Variants in KDM1B observed in about 807,000 individuals in gnomAD.
The protein encoded by KDM1B is lysine-specific histone demethylase 2.
KDM1B carries 63 observed loss-of-function variants against 107.4 expected under a neutral mutation model. The observed-to-expected ratio is 0.59, with a 90% CI of 0.48 to 0.72. The LOEUF (loss-of-function observed/expected upper bound fraction) is 0.72. Among genes scored for constraint, KDM1B ranks in the 30% least tolerant of loss-of-function variants. The pLI is 0.00. For missense variants in KDM1B, 749 were observed against 1,020.8 expected, an observed-to-expected ratio of 0.73 and a Z score of 3.63; for synonymous variants, 363 against 363.9, an observed-to-expected ratio of 1.00 and a Z score of 0.03.
rs573786992 is a variant in KDM1B at position 18,190,096 on chromosome 6, G to A, written c.785-1101G>A. ...ACCTGGGAGGCGGAGGTTGCAGTGA[G>A]CTGAGATTGTGCCATTACACTCCAG... On this transcript the variant is annotated intron_variant, in intron 9 of 21. Coordinates refer to ENST00000650836, the MANE Select transcript of KDM1B (RefSeq NM_001364614.2). Among the ~76,000 whole-genome samples the A allele has an allele frequency of 6.6e-5, 10 of 152,126 alleles. No homozygotes were observed. In the East Asian group the frequency reaches 1.9e-3, roughly 29 times the overall value.
chr6:18,158,407 A>C (rs1342337553), intron 2 of KDM1B, among the ~76,000 whole-genome samples: 2 of 152,128 alleles, frequency 1.3e-5, no homozygotes, highest in East Asian at 3.9e-4. Context: ...GTAGATGGCA[A>C]AATGAGTTTT....
chr6:18,192,722 TAGTG>T (rs1787359189), intron 10 of KDM1B, among the ~76,000 whole-genome samples: 2 of 144,270 alleles, frequency 1.4e-5, no homozygotes, highest in Non-Finnish European at 3.0e-5. Context: ...CTGGGCAAGA[TAGTG>T]AGATCCCGTC....
rs1045407093 is a variant in KDM1B at position 18,204,880 on chromosome 6, C to G, written c.1532-657C>G. 6.6e-6 allele frequency among the ~76,000 whole-genome samples: 1 copy of G among 152,192 alleles called. No individual in the cohort carries two copies. Among genetic ancestry groups the G allele is most frequent in the Non-Finnish European group, 1.5e-5 (1 of 68,040 alleles). ...GTAGGAATTTACCAGGAAAAAGATT[C>G]AAAGCATTACAGCAGAGCCTGCGAG... is the stretch of plus-strand genomic sequence containing the variant. On this transcript the variant is annotated intron_variant, in intron 14 of 21. Transcript: ENST00000650836. This position sits in a 1 kb window ranked among gnomAD's most constrained non-coding sequence, Gnocchi z 4.9.
intron 5 of KDM1B, among the ~76,000 whole-genome samples, chr6:18,166,054 A>G (rs1785276541): frequency 6.6e-6 from 1 of 152,110 alleles, no homozygotes. Flanking sequence ...AAATAACACT[A>G]TGCCTTTCTT....
chr6:18,185,259 A>G (rs1786779394), intron 7 of KDM1B, among the ~76,000 whole-genome samples: 2 of 150,954 alleles, frequency 1.3e-5, no homozygotes, highest in African/African-American at 4.9e-5. Flanking sequence ...ATTTTCCACC[A>G]GGAACATCCT....
At chr6:18,199,753 A>T (rs1002744251) in intron 12 of KDM1B, among the ~76,000 whole-genome samples, 2 of 150,916 alleles carry the variant, frequency 1.3e-5, no homozygotes, top group Admixed American at 1.3e-4. Context: ...GCTTATTTGC[A>T]GTCCTAAAGG....
chr6:18,221,034 C>T (rs973341207), intron 21 of KDM1B, among the ~76,000 whole-genome samples: 3 of 151,222 alleles, frequency 2.0e-5, no homozygotes, highest in Non-Finnish European at 4.4e-5. Context: ...CGTGAGCCAC[C>T]GCTCCTTCTT....
Position 18,197,862 on chromosome 6 carries a change from G to A in KDM1B, c.1221+201G>A, listed in dbSNP as rs1334887614. Reference sequence around the variant, plus strand: ...AAATAGAAATTCTCACAGCTTTGGAGATAATTTTAGACTCTAATGAGCAAG... The same window carrying A: ...AAATAGAAATTCTCACAGCTTTGGAAATAATTTTAGACTCTAATGAGCAAG... On this transcript the variant is annotated intron_variant, in intron 12 of 21. Coordinates refer to ENST00000650836, the MANE Select transcript of KDM1B (RefSeq NM_001364614.2). The surrounding 1 kb of genome is among the most constrained non-coding windows in gnomAD (Gnocchi z 4.5). Among the ~76,000 whole-genome samples, 1 of 151,344 alleles carries A rather than the reference G, an allele frequency of 6.6e-6. No homozygotes were observed. Among genetic ancestry groups the A allele is most frequent in the Non-Finnish European group, 1.5e-5 (1 of 67,902 alleles).
chr6:18,179,979 G>A (rs1288972387), intron 7 of KDM1B, among the ~76,000 whole-genome samples: 4 of 143,756 alleles, frequency 2.8e-5, no homozygotes, highest in Non-Finnish European at 1.5e-5. Flanking sequence ...TTCTGCCACC[G>A]TAGTCTCCTG....
chr6:18,184,266 C>T lies in KDM1B; in HGVS notation c.535-1506C>T, dbSNP rs1402744742. On this transcript the variant is annotated intron_variant, in intron 7 of 21. Transcript: ENST00000650836. ...AATGGTATCCTACACTATGATTGTT[C>T]TAGCTTCTTTTTTTTTTTTTTTTTT... is the stretch of plus-strand genomic sequence containing the variant. Among the ~76,000 whole-genome samples, 25 of 136,090 alleles carry T rather than the reference C, an allele frequency of 1.8e-4. 1 individual carries two copies. In the South Asian group the frequency reaches 5.8e-3, roughly 32 times the overall value. The allele number at this position is 136,090 out of a possible 152,430, so 89.3% of individuals were successfully genotyped here.
intron 12 of KDM1B, among the ~76,000 whole-genome samples, chr6:18,198,003 G>A (rs767190343): frequency 7.6e-5 from 11 of 145,502 alleles, no homozygotes; most frequent in Non-Finnish European, 1.5e-4. Context: ...TCAGCTCACC[G>A]CAACCTCTGC....
rs541817975 is a variant in KDM1B at position 18,217,588 on chromosome 6, A to G, written c.2233-145A>G. 2.5e-4 allele frequency: 150 copies of G among 592,414 alleles called. No homozygotes were observed. In the East Asian group the frequency reaches 3.9e-3, roughly 16 times the overall value. The allele number at this position is 592,414 out of a possible 1,614,324, so 36.7% of individuals were successfully genotyped here. On this transcript the variant is annotated intron_variant, in intron 20 of 21. Transcript: ENST00000650836. ...GAGATGGGGTTTCACCGTGTTAGCC[A>G]GGATCGTCTCGATCTCCTGACCTTG...
chr6:18,205,414 A>C lies in KDM1B; in HGVS notation c.1532-123A>C. On this transcript the variant is annotated intron_variant, in intron 14 of 21. Coordinates refer to ENST00000650836, the MANE Select transcript of KDM1B (RefSeq NM_001364614.2). This position sits in a 1 kb window ranked among gnomAD's most constrained non-coding sequence, Gnocchi z 5.7. ...AAGAGATCTTTTCCCCTCTGACTTT[A>C]CTTGGGAAAAGACTTTGGAAGTTTT... The C allele has an allele frequency of 1.2e-6, 1 of 805,156 alleles. No individual in the cohort carries two copies. The highest frequency in any genetic ancestry group is 3.1e-5 in the Admixed American group (1 of 32,148). 49.9% of individuals were successfully genotyped at this position (805,156 alleles called of 1,614,324 possible).
intron 7 of KDM1B, among the ~76,000 whole-genome samples, chr6:18,184,350 C>T (rs1471458765): frequency 6.9e-6 from 1 of 145,642 alleles, no homozygotes; most frequent in African/African-American, 2.5e-5. Flanking sequence ...TCTTGGCTCA[C>T]TCCAACTTCC....
chr6:18,220,598 T>C (rs1789617976), intron 21 of KDM1B, among the ~76,000 whole-genome samples: 1 of 152,158 alleles, frequency 6.6e-6, no homozygotes, highest in East Asian at 1.9e-4. Context: ...GATTACTCCT[T>C]GGCCTATGAA....
At chr6:18,185,310 T>G (rs1786782627) in intron 7 of KDM1B, among the ~76,000 whole-genome samples, 1 of 151,950 alleles carries the variant, frequency 6.6e-6, no homozygotes, top group Non-Finnish European at 1.5e-5. Flanking sequence ...CTCACTTTTT[T>G]TTTTTTTTTG....
At position 18,155,754 on chromosome 6, in the gene KDM1B, G is replaced by A. The variant is rs1438936772; in HGVS notation, c.-57-129G>A. On this transcript the variant is annotated intron_variant, in intron 1 of 21. Coordinates refer to ENST00000650836, the MANE Select transcript of KDM1B (RefSeq NM_001364614.2). The surrounding 1 kb of genome is among the most constrained non-coding windows in gnomAD (Gnocchi z 6.2). ...ATACCTCCTGCCCCGGATTAAAAGAGGGTGCGGGGTGGGTATCTGTCTGAA... is the reference window on the plus strand; with the variant it reads ...ATACCTCCTGCCCCGGATTAAAAGAAGGTGCGGGGTGGGTATCTGTCTGAA... 6.6e-6 allele frequency: 1 copy of A among 152,376 alleles called. No homozygotes were observed. The highest frequency in any genetic ancestry group is 6.5e-5 in the Admixed American group (1 of 15,294). 9.4% of individuals were successfully genotyped at this position (152,376 alleles called of 1,614,324 possible). A position where few individuals can be genotyped will look rare whatever the true frequency, so the allele number is the denominator to read the frequency against.
Position 18,210,501 on chromosome 6 carries a change from G to A in KDM1B, c.1867-1987G>A, listed in dbSNP as rs567892983. Among the ~76,000 whole-genome samples the A allele has an allele frequency of 4.0e-5, 6 of 151,708 alleles. No individual in the cohort carries two copies. In the South Asian group the frequency reaches 1.2e-3, roughly 32 times the overall value. On this transcript the variant is annotated intron_variant, in intron 17 of 21. Transcript: ENST00000650836. The stretch of plus-strand genomic sequence containing the variant: ...GCCTCCTGTGTAACTGGGACCACAA[G>A]CACATGCCACCACACTCAGCTAATT...
chr6:18,158,427 T>C (rs1403074084), intron 2 of KDM1B, among the ~76,000 whole-genome samples: 1 of 151,744 alleles, frequency 6.6e-6, no homozygotes, highest in Non-Finnish European at 1.5e-5. Context: ...TTCCATAGGA[T>C]GTTAATAATC....
Sources: gnomAD v4.1 joint callset for allele counts (sites outside exome capture counted in the v4.1 genomes callset) on GRCh38, gnomAD v4.1.1 for gene constraint, Gnocchi (gnomAD v3.1) non-coding constraint, MANE v1.5 for transcripts, NCBI Gene and HGNC (gene_info 2026-07-23, HGNC 2026-07-21) for gene names.